The following DOK6 variants were observed in gnomAD, a reference collection of about 807,000 sequenced individuals.
DOK6 encodes the protein docking protein 6.
Under a neutral mutation model 44.0 loss-of-function variants are expected in DOK6, and 22 were observed. That is an observed-to-expected ratio of 0.50 (90% CI 0.36 to 0.71). The LOEUF (loss-of-function observed/expected upper bound fraction) is 0.71. Among genes scored for constraint, DOK6 ranks in the 30% least tolerant of loss-of-function variants. The pLI is 0.00. For synonymous variants in DOK6, 166 were observed against 145.5 expected, an observed-to-expected ratio of 1.14 and a Z score of -1.01; for missense variants, 340 against 416.4, an observed-to-expected ratio of 0.82 and a Z score of 1.60.
chr18:69,481,916 T>C (rs1052693443), intron 1 of DOK6, among the ~76,000 whole-genome samples: 1 of 152,232 alleles, frequency 6.6e-6, no homozygotes, highest in Non-Finnish European at 1.5e-5. Flanking sequence ...ATCACCATTC[T>C]AACTGGTGTG....
At chr18:69,717,955 A>T (rs34350824) in intron 5 of DOK6, among the ~76,000 whole-genome samples, 7,095 of 152,270 alleles carry the variant, frequency 0.047, 173 homozygotes, top group African/African-American at 0.058. Flanking sequence ...TATAGAAAAT[A>T]AAAAAATATT....
At chr18:69,436,868 G>A (rs1004697270) in intron 1 of DOK6, among the ~76,000 whole-genome samples, 4 of 152,192 alleles carry the variant, frequency 2.6e-5, no homozygotes, top group Admixed American at 1.3e-4. Flanking sequence ...ATTGTGAAAT[G>A]GTATCTCATT....
At chr18:69,604,297 G>T (rs1386059301) in intron 3 of DOK6, among the ~76,000 whole-genome samples, 1 of 152,098 alleles carries the variant, frequency 6.6e-6, no homozygotes, top group East Asian at 1.9e-4. Flanking sequence ...TTCTTCTCAT[G>T]TCTGAATTTC....
intron 2 of DOK6, among the ~76,000 whole-genome samples, chr18:69,570,775 A>G (rs532693449): frequency 6.6e-6 from 1 of 152,268 alleles, no homozygotes; most frequent in African/African-American, 2.4e-5. Context: ...ACACACACAC[A>G]CAAAAAAGTA....
intron 3 of DOK6, chr18:69,647,391 A>G (rs188377407): frequency 2.3e-4 from 35 of 152,298 alleles, no homozygotes; most frequent in African/African-American, 7.5e-4. Context: ...TAAGGCAGTC[A>G]TCATTATCCT....
intron 1 of DOK6, among the ~76,000 whole-genome samples, chr18:69,539,037 C>T (rs188354758): frequency 2.6e-5 from 4 of 152,236 alleles, no homozygotes; most frequent in East Asian, 1.9e-4. Flanking sequence ...AAACAGAAGT[C>T]GTGTAATGAG....
chr18:69,719,056 G>A (rs917228320), intron 5 of DOK6, among the ~76,000 whole-genome samples: 1 of 152,168 alleles, frequency 6.6e-6, no homozygotes, highest in Non-Finnish European at 1.5e-5. Flanking sequence ...AGCCCAATGG[G>A]TTCTTGCTCT....
At chr18:69,580,928 T>C (rs1983354551) in intron 2 of DOK6, among the ~76,000 whole-genome samples, 1 of 152,192 alleles carries the variant, frequency 6.6e-6, no homozygotes, top group Non-Finnish European at 1.5e-5. Context: ...ACGTGTGGTA[T>C]TAATCTTTCT....
chr18:69,605,388 G>A (rs1192900628), intron 3 of DOK6, among the ~76,000 whole-genome samples: 4 of 152,000 alleles, frequency 2.6e-5, no homozygotes, highest in Admixed American at 2.0e-4. Flanking sequence ...TAACAACTAG[G>A]TCACCTGTAC....
At position 69,765,460 on chromosome 18, in the gene DOK6, T is replaced by C. The variant is rs182581115; in HGVS notation, c.856+7587T>C. On this transcript the variant is annotated intron_variant, in intron 7 of 7. Coordinates refer to ENST00000382713, the MANE Select transcript of DOK6 (RefSeq NM_152721.6). ...AGAGATAAATGAATTGGTTATTCCC[T>C]AAAGCAGACATCATAAAAATGCACA... 3.0e-3 allele frequency among the ~76,000 whole-genome samples: 456 copies of C among 152,326 alleles called. 4 individuals are homozygous for C. Among genetic ancestry groups the C allele is most frequent in the African/African-American group, 0.01 (431 of 41,582 alleles).
intron 7 of DOK6, among the ~76,000 whole-genome samples, chr18:69,805,427 ACTAGT>A (rs754144614): frequency 5.3e-5 from 8 of 152,118 alleles, no homozygotes; most frequent in Non-Finnish European, 1.2e-4. Flanking sequence ...AGATATATTA[ACTAGT>A]CTATGCAAAA....
chr18:69,419,353 C>A (rs1233282650), intron 1 of DOK6, among the ~76,000 whole-genome samples: 2 of 152,016 alleles, frequency 1.3e-5, no homozygotes, highest in South Asian at 2.1e-4. Flanking sequence ...GTGCAGAATA[C>A]AAAATAAATA....
chr18:69,596,058 G>A (rs2077228438), intron 2 of DOK6, among the ~76,000 whole-genome samples: 1 of 152,146 alleles, frequency 6.6e-6, no homozygotes, highest in Non-Finnish European at 1.5e-5. Context: ...AAAAGCAATT[G>A]AGAGAAAATG....
At chr18:69,461,397 C>T (rs1289191275) in intron 1 of DOK6, among the ~76,000 whole-genome samples, 1 of 152,164 alleles carries the variant, frequency 6.6e-6, no homozygotes. Flanking sequence ...TCCCACTCCA[C>T]CATGGGAACA....
intron 4 of DOK6, among the ~76,000 whole-genome samples, chr18:69,688,791 A>G (rs1986206526): frequency 6.6e-6 from 1 of 152,144 alleles, no homozygotes; most frequent in Admixed American, 6.6e-5. Context: ...CAAAGCAAGG[A>G]CAATACTCCT....
intron 1 of DOK6, among the ~76,000 whole-genome samples, chr18:69,467,840 T>C (rs1979972143): frequency 6.6e-6 from 1 of 152,130 alleles, no homozygotes; most frequent in African/African-American, 2.4e-5. Context: ...TTTACAATTA[T>C]TATTATTGTT....
chr18:69,471,697 A>G (rs1424834669), intron 1 of DOK6: 1 of 151,782 alleles, frequency 6.6e-6, no homozygotes, highest in Non-Finnish European at 1.5e-5. Context: ...TGGTGATATT[A>G]CAGCTGAAAG....
chr18:69,424,641 C>CACA (rs1276678521), intron 1 of DOK6, among the ~76,000 whole-genome samples: 7 of 134,082 alleles, frequency 5.2e-5, no homozygotes, highest in African/African-American at 1.7e-4. Context: ...AATTTTTTGT[C>CACA]TTACTCAAGA....
chr18:69,445,619 GA>G (rs1979263244), intron 1 of DOK6, among the ~76,000 whole-genome samples: 1 of 151,870 alleles, frequency 6.6e-6, no homozygotes, highest in Admixed American at 6.6e-5. Flanking sequence ...TTCATATGTT[GA>G]ACCACTCTTT....
Sources: gnomAD v4.1 joint callset for allele counts (sites outside exome capture counted in the v4.1 genomes callset) on GRCh38, gnomAD v4.1.1 for gene constraint, MANE v1.5 for transcripts, NCBI Gene and HGNC (gene_info 2026-07-23, HGNC 2026-07-21) for gene names.